Variants in PRKCB observed in about 807,000 individuals in gnomAD.
The protein encoded by PRKCB is protein kinase C beta, also known as protein kinase C beta type.
Under a neutral mutation model 81.5 loss-of-function variants are expected in PRKCB, and 13 were observed. The ratio of observed to expected loss-of-function variants is 0.16; its 90% CI spans 0.10 to 0.25. PRKCB has a LOEUF of 0.25. Ranked by LOEUF, PRKCB falls within the 10% of genes least tolerant of loss-of-function variation. The pLI, the probability that PRKCB is intolerant of heterozygous loss-of-function variation, is 1.00. For missense variants in PRKCB, 509 were observed against 875.7 expected (o/e 0.58, Z 5.29); for synonymous variants, 335 against 321.4 (o/e 1.04, Z -0.45).
At chr16:24,158,003 A>G (rs759767898) in intron 10 of PRKCB, among the ~76,000 whole-genome samples, 9 of 152,298 alleles carry the variant, frequency 5.9e-5, no homozygotes, top group East Asian at 3.9e-4. Flanking sequence ...AATCTCCCCA[A>G]CCGACAAGTC....
At chr16:24,206,017 G>GA (rs1375596393) in intron 16 of PRKCB, among the ~76,000 whole-genome samples, 1 of 152,102 alleles carries the variant, frequency 6.6e-6, no homozygotes, top group Admixed American at 6.5e-5. Flanking sequence ...ATTTTTTAAT[G>GA]AAAATTAAGA....
intron 2 of PRKCB, 143 bp downstream of exon 2, chr16:23,837,549 C>T: frequency 9.5e-7 from 1 of 1,055,646 alleles, no homozygotes; most frequent in South Asian, 1.6e-5. Flanking sequence ...TTCACCACAA[C>T]AGGGTCCTTT....
intron 10 of PRKCB, among the ~76,000 whole-genome samples, chr16:24,156,708 T>C (rs539461680): frequency 1.3e-5 from 2 of 152,342 alleles, no homozygotes; most frequent in Admixed American, 6.5e-5. Context: ...CTAACCTTAC[T>C]AGTCCAAATC....
At chr16:23,843,711 T>C in intron 2 of PRKCB, among the ~76,000 whole-genome samples, 1 of 144,196 alleles carries the variant, frequency 6.9e-6, no homozygotes, top group East Asian at 2.0e-4. Flanking sequence ...TTTTAAAAAA[T>C]ATATTATTTC....
chr16:24,029,967 T>C (rs1005481282), intron 3 of PRKCB, among the ~76,000 whole-genome samples: 1 of 152,154 alleles, frequency 6.6e-6, no homozygotes. Flanking sequence ...GATGCAATCA[T>C]AGCTCACACA....
chr16:23,940,024 A>G (rs974738349), intron 2 of PRKCB, among the ~76,000 whole-genome samples: 3 of 152,212 alleles, frequency 2.0e-5, no homozygotes, highest in Non-Finnish European at 4.4e-5. Flanking sequence ...CAATCCAATT[A>G]AAAAAGGGCA....
At chr16:23,866,711 C>A (rs144226063) in intron 2 of PRKCB, among the ~76,000 whole-genome samples, 15 of 152,258 alleles carry the variant, frequency 9.9e-5, no homozygotes, top group Non-Finnish European at 1.6e-4. Flanking sequence ...AATGGCTTAG[C>A]CCTGGGGTAT....
intron 2 of PRKCB, among the ~76,000 whole-genome samples, chr16:23,983,677 C>G (rs1964766834): frequency 6.6e-6 from 1 of 151,910 alleles, no homozygotes; most frequent in Admixed American, 6.6e-5. Context: ...TATCTTTATC[C>G]CCTTCTGTCT....
rs182287202 is a variant in PRKCB, at chr16:23,996,517, T to C, written c.288+7927T>C. On this transcript the variant is annotated intron_variant, in intron 3 of 16. Coordinates refer to ENST00000643927, the MANE Select transcript of PRKCB (RefSeq NM_002738.7). The stretch of plus-strand genomic sequence containing the variant: ...AGCCAGCTACCTGGCGGCAGGTTGA[T>C]TACATTGGACCCCTTCCATTATGGA... Among the ~76,000 whole-genome samples, 16 of 152,304 alleles carry C rather than the reference T, an allele frequency of 1.1e-4. No homozygotes were observed. In the East Asian group the frequency reaches 1.3e-3, roughly 13 times the overall value.
chr16:23,972,898 T>C (rs938427045), intron 2 of PRKCB, among the ~76,000 whole-genome samples: 5 of 152,356 alleles, frequency 3.3e-5, no homozygotes, highest in Admixed American at 2.0e-4. Context: ...AAAGATATTT[T>C]TATTATTTGC....
At chr16:23,865,145 T>C (rs569479303) in intron 2 of PRKCB, among the ~76,000 whole-genome samples, 1 of 152,100 alleles carries the variant, frequency 6.6e-6, no homozygotes, top group Non-Finnish European at 1.5e-5. Context: ...GGGATGACTA[T>C]GAACACCTCT....
intron 13 of PRKCB, 57 bp downstream of exon 13, chr16:24,180,985 T>C: frequency 6.3e-7 from 1 of 1,592,354 alleles, no homozygotes; most frequent in Non-Finnish European, 8.6e-7. Context: ...GCTCCCCAGA[T>C]GGCTGTGTGA....
chr16:24,135,434 T>C (rs1160916067), intron 9 of PRKCB, among the ~76,000 whole-genome samples: 5 of 149,760 alleles, frequency 3.3e-5, no homozygotes, highest in African/African-American at 9.8e-5. Context: ...TGCCTCAGCC[T>C]CCCGAGTGGC....
At position 23,942,278 on chromosome 16, in the gene PRKCB, A is replaced by G. The variant is rs369012908; in HGVS notation, c.206-46230A>G. On this transcript the variant is annotated intron_variant, in intron 2 of 16. Coordinates refer to ENST00000643927, the MANE Select transcript of PRKCB (RefSeq NM_002738.7). ...CCATGGATTGGCAATCTGTGTGTCTAAAGGAAAGTGGTTTACATTTTCTTT... is the reference window on the plus strand; with the variant it reads ...CCATGGATTGGCAATCTGTGTGTCTGAAGGAAAGTGGTTTACATTTTCTTT... Among the ~76,000 whole-genome samples the G allele has an allele frequency of 3.9e-5, 6 of 152,348 alleles. No homozygotes were observed. In the South Asian group the frequency reaches 6.2e-4, roughly 16 times the overall value.
In PRKCB at chr16:24,219,567, G is replaced by T. The variant is rs78946887; in HGVS notation, c.*4751G>T. 8 of 994,170 alleles carry T rather than the reference G, an allele frequency of 8.0e-6. No individual in the cohort carries two copies. The highest frequency in any genetic ancestry group is 9.6e-6 in the Non-Finnish European group (8 of 835,874). The allele number at this position is 994,170 out of a possible 1,614,324, so 61.6% of individuals were successfully genotyped here. On this transcript the variant is annotated 3_prime_UTR_variant, in exon 17 of 17. Transcript: ENST00000643927. ...GCTACTGAATGGTTTTCTCCAGGAC[G>T]CTCTACCTAATGATTATTTCTATAA...
intron 9 of PRKCB, among the ~76,000 whole-genome samples, chr16:24,126,188 G>C (rs1567384353): frequency 1.3e-5 from 2 of 152,114 alleles, no homozygotes; most frequent in Non-Finnish European, 2.9e-5. Flanking sequence ...CTAGCATAAA[G>C]AGGGTCATCA....
chr16:24,095,976 A>G (rs1021351158), intron 7 of PRKCB, among the ~76,000 whole-genome samples: 6 of 152,118 alleles, frequency 3.9e-5, no homozygotes, highest in Non-Finnish European at 8.8e-5. Context: ...AAGGTAGTTT[A>G]GTTTTGGGCA....
chr16:23,987,836 A>C (rs990480084), intron 2 of PRKCB, among the ~76,000 whole-genome samples: 1 of 152,212 alleles, frequency 6.6e-6, no homozygotes, highest in African/African-American at 2.4e-5. Flanking sequence ...TTTTGTATAC[A>C]TTCTTTCATT....
chr16:23,836,089 C>T lies in PRKCB; in HGVS notation c.-87C>T. On this transcript the variant is annotated 5_prime_UTR_variant, in exon 1 of 17. Transcript: ENST00000643927. ...GCGGCCCCGGGTGCAGCAGCGGCCG[C>T]CGCCTCCCGCGCCTCCCCGGCCCGC... is the stretch of plus-strand genomic sequence containing the variant. 2 of 976,770 alleles carry T rather than the reference C, an allele frequency of 2.0e-6. No individual in the cohort carries two copies. The highest frequency in any genetic ancestry group is 9.3e-5 in the South Asian group (2 of 21,444). The allele number at this position is 976,770 out of a possible 1,614,324, so 60.5% of individuals were successfully genotyped here.
Sources: gnomAD v4.1 joint callset for allele counts (sites outside exome capture counted in the v4.1 genomes callset) on GRCh38, gnomAD v4.1.1 for gene constraint, MANE v1.5 for transcripts, NCBI Gene and HGNC (gene_info 2026-07-23, HGNC 2026-07-21) for gene names.